RYR3: variants seen among roughly 807,000 people sequenced by gnomAD.
RYR3 encodes brain ryanodine receptor-calcium release channel.
Under a neutral mutation model 584.3 loss-of-function variants are expected in RYR3, and 207 were observed. The observed-to-expected ratio is 0.35, with a 90% CI of 0.32 to 0.40. The LOEUF is 0.40. Ranked by LOEUF, RYR3 falls within the 10% of genes least tolerant of loss-of-function variation. The pLI is 1.00. For synonymous variants in RYR3, 2,416 were observed against 2,248.5 expected (o/e 1.07, Z -2.11); for missense variants, 5,616 against 6,089.2 (o/e 0.92, Z 2.59).
intron 1 of RYR3, among the ~76,000 whole-genome samples, chr15:33,344,866 C>A (rs1353574258): frequency 1.3e-5 from 2 of 152,118 alleles, no homozygotes; most frequent in African/African-American, 2.4e-5. Context: ...ATTGAAAAGT[C>A]TTGAGCTTAA....
chr15:33,525,360 A>G (rs2054309702), intron 3 of RYR3, among the ~76,000 whole-genome samples: 4 of 152,296 alleles, frequency 2.6e-5, no homozygotes, highest in Admixed American at 2.6e-4. Flanking sequence ...ATTTACTAAA[A>G]CCTTGGTTCT....
intron 1 of RYR3, among the ~76,000 whole-genome samples, chr15:33,313,689 A>T (rs1192031696): frequency 6.6e-6 from 1 of 152,162 alleles, no homozygotes; most frequent in African/African-American, 2.4e-5. Flanking sequence ...GTCATATATA[A>T]TGCTTCCTCA....
intron 1 of RYR3, among the ~76,000 whole-genome samples, chr15:33,387,725 A>G (rs930972366): frequency 3.9e-5 from 6 of 152,104 alleles, no homozygotes; most frequent in Non-Finnish European, 8.8e-5. Context: ...AGAAAAATGT[A>G]AGCAGACACT....
At chr15:33,337,746 A>G (rs1381022828) in intron 1 of RYR3, among the ~76,000 whole-genome samples, 1 of 152,138 alleles carries the variant, frequency 6.6e-6, no homozygotes, top group Non-Finnish European at 1.5e-5. Flanking sequence ...CCTGTGACCC[A>G]GCAATTCCTC....
chr15:33,732,208 C>G (rs943986460), intron 48 of RYR3, among the ~76,000 whole-genome samples: 1 of 150,218 alleles, frequency 6.7e-6, no homozygotes, highest in Non-Finnish European at 1.5e-5. Context: ...GGTGAAACCC[C>G]ATCTCTACTA....
chr15:33,392,334 T>G (rs752243367), intron 1 of RYR3, among the ~76,000 whole-genome samples: 1 of 151,050 alleles, frequency 6.6e-6, no homozygotes, highest in South Asian at 2.1e-4. Context: ...AAGGTACCTA[T>G]GATTATACCT....
chr15:33,838,210 G>T lies in RYR3; in HGVS notation c.12230G>T (p.Gly4077Val), dbSNP rs982490983. 2.6e-5 allele frequency: 42 copies of T among 1,613,880 alleles called. No homozygotes were observed. The highest frequency in any genetic ancestry group is 3.2e-5 in the Non-Finnish European group (38 of 1,179,894). ...QFIFDVVNEGGEQEKMELFVN... is the reference protein window; with the variant it reads ...QFIFDVVNEGVEQEKMELFVN... ...ATTTTTGATGTTGTCAATGAAGGTGGGGAGCAGGAAAAGATGGAGCTGTTT... is the reference window on the plus strand; with the variant it reads ...ATTTTTGATGTTGTCAATGAAGGTGTGGAGCAGGAAAAGATGGAGCTGTTT... Residue 4077 changes from glycine (G) to valine (V), a missense_variant, in exon 89 of 104, where the codon GGG (glycine) becomes GTG (valine). Physicochemically the swap from Gly to Val is moderately radical, Grantham distance 109. Around this residue, in one of 9 missense-constraint regions of RYR3, gnomAD observed 258 missense variants for 297.3 expected, o/e 0.87. Transcript: ENST00000634891.
At position 33,838,834 on chromosome 15, in the gene RYR3, A is replaced by G; in HGVS notation, c.12854A>G (p.His4285Arg). The G allele has an allele frequency of 5.6e-6, 9 of 1,613,942 alleles. No individual in the cohort carries two copies. The highest frequency in any genetic ancestry group is 7.6e-6 in the Non-Finnish European group (9 of 1,179,856). ...ATCATGTCAGACCTCTTTGGACTCC[A>G]CCCAAAGAAAGAGGGCAGCTTAAAG... ...TDIMSDLFGL[H>R]PKKEGSLKHG... Residue 4285 changes from histidine to arginine, a missense_variant, in exon 89 of 104, where the codon CAC (histidine) becomes CGC (arginine). By Grantham distance (29) the His-to-Arg change is conservative. Around this residue, in one of 9 missense-constraint regions of RYR3, gnomAD observed 918 missense variants for 887.4 expected, o/e 1.03. Coordinates refer to ENST00000634891, the MANE Select transcript of RYR3 (RefSeq NM_001036.6).
At chr15:33,381,520 T>C (rs2041189894) in intron 1 of RYR3, among the ~76,000 whole-genome samples, 1 of 152,226 alleles carries the variant, frequency 6.6e-6, no homozygotes, top group Admixed American at 6.5e-5. Context: ...CCCAGCCTGA[T>C]GGCTCAGCAT....
intron 19 of RYR3, among the ~76,000 whole-genome samples, chr15:33,621,553 A>G (rs915572320): frequency 6.6e-6 from 1 of 152,218 alleles, no homozygotes; most frequent in Non-Finnish European, 1.5e-5. Context: ...CATTGTTCAA[A>G]TTCTTAATAC....
chr15:33,447,163 T>TA (rs1262666521), intron 1 of RYR3, among the ~76,000 whole-genome samples: 1 of 152,232 alleles, frequency 6.6e-6, no homozygotes, highest in Non-Finnish European at 1.5e-5. Context: ...GTGTTAGTAT[T>TA]AGTTTGGAGA....
rs377602187 is a variant in RYR3 at position 33,601,577 on chromosome 15, A to T, written c.1922+25A>T. The T allele has an allele frequency of 9.9e-6, 16 of 1,612,766 alleles. No homozygotes were observed. The Admixed American group carries it at 1.3e-4, about 13-fold the overall frequency. On this transcript the variant is annotated intron_variant, in intron 17 of 103. Coordinates refer to ENST00000634891, the MANE Select transcript of RYR3 (RefSeq NM_001036.6). Reference sequence around the variant, plus strand: ...GGTAAGGCCACCACCACCATTCCAAATGCCAAGCATAGTTCTGCCTGTCTT... The same window carrying T: ...GGTAAGGCCACCACCACCATTCCAATTGCCAAGCATAGTTCTGCCTGTCTT...
At chr15:33,402,883 C>T (rs2042773057) in intron 1 of RYR3, among the ~76,000 whole-genome samples, 1 of 152,208 alleles carries the variant, frequency 6.6e-6, no homozygotes, top group Non-Finnish European at 1.5e-5. Flanking sequence ...ATGGTGTCAG[C>T]TGCAGGGAGG....
chr15:33,339,606 C>T (rs1156318503), intron 1 of RYR3, among the ~76,000 whole-genome samples: 1 of 152,080 alleles, frequency 6.6e-6, no homozygotes, highest in East Asian at 1.9e-4. Context: ...ATTGCCATTA[C>T]CGGCCGGGCG....
chr15:33,830,321 C>G (rs2077601071), intron 85 of RYR3, among the ~76,000 whole-genome samples: 1 of 152,174 alleles, frequency 6.6e-6, no homozygotes, highest in African/African-American at 2.4e-5. Context: ...CTTTCACCAG[C>G]AAAAAGATGG....
chr15:33,431,303 G>A (rs550989063), intron 1 of RYR3, among the ~76,000 whole-genome samples: 1 of 152,228 alleles, frequency 6.6e-6, no homozygotes, highest in East Asian at 1.9e-4. Flanking sequence ...TCAACACAGA[G>A]GGATCTCTAA....
intron 3 of RYR3, among the ~76,000 whole-genome samples, chr15:33,523,648 C>A (rs1311976324): frequency 6.6e-6 from 1 of 152,062 alleles, no homozygotes; most frequent in Non-Finnish European, 1.5e-5. Flanking sequence ...AGCAGTAGGG[C>A]AGGGTAGACC....
chr15:33,455,606 T>C (rs2047486787), intron 1 of RYR3, among the ~76,000 whole-genome samples: 1 of 152,172 alleles, frequency 6.6e-6, no homozygotes, highest in Non-Finnish European at 1.5e-5. Context: ...ATGTCCCTCA[T>C]ATAGGACAAA....
At chr15:33,362,180 T>A (rs1379011447) in intron 1 of RYR3, among the ~76,000 whole-genome samples, 2 of 152,218 alleles carry the variant, frequency 1.3e-5, no homozygotes, top group African/African-American at 4.8e-5. Context: ...CTATAGTGCT[T>A]GTAAATAGAA....
Sources: gnomAD v4.1 joint callset for allele counts (sites outside exome capture counted in the v4.1 genomes callset) on GRCh38, gnomAD v4.1.1 for gene constraint, gnomAD v4.1.1 regional missense constraint, MANE v1.5 for transcripts, NCBI Gene and HGNC (gene_info 2026-07-23, HGNC 2026-07-21) for gene names.